The following NOSIP variants were observed in gnomAD, a reference collection of about 807,000 sequenced individuals.
The protein encoded by NOSIP is nitric oxide synthase interacting protein.
A neutral mutation model predicts 36.4 loss-of-function variants in NOSIP; 25 were observed. The observed-to-expected ratio is 0.69, with a 90% CI of 0.50 to 0.96. The LOEUF is 0.96. Ranked by LOEUF, NOSIP falls within the 40% of genes least tolerant of loss-of-function variation. The pLI is 0.00. For synonymous variants in NOSIP, 187 were observed against 179.2 expected (o/e 1.04, Z -0.35); for missense variants, 370 against 429.0 (o/e 0.86, Z 1.21).
At chr19:49,573,986 A>C (rs371482842) in intron 1 of NOSIP, among the ~76,000 whole-genome samples, 15 of 151,852 alleles carry the variant, frequency 9.9e-5, no homozygotes, top group African/African-American at 3.4e-4. Context: ...CAGCCTCCCA[A>C]GTAGCTGGGA....
intron 1 of NOSIP, among the ~76,000 whole-genome samples, chr19:49,564,453 CAAAAAAAA>C (rs1011453088): frequency 2.3e-5 from 1 of 42,558 alleles, no homozygotes; most frequent in African/African-American, 8.3e-5. Flanking sequence ...GACTCCATCT[CAAAAAAAA>C]AAAAAAAAAA....
intron 3 of NOSIP, chr19:49,559,510 C>CA (rs112494970): frequency 0.013 from 2,109 of 166,000 alleles, 5 homozygotes; most frequent in South Asian, 0.037. Context: ...GACTCTGTCT[C>CA]AAAAAAAAAA....
rs528334068 is a variant in NOSIP, at chr19:49,574,152, G to T, written c.-2+6363C>A. On this transcript the variant is annotated intron_variant, in intron 1 of 8. Coordinates refer to ENST00000596358, the MANE Select transcript of NOSIP (RefSeq NM_001270960.2). ...GCTGGGATTACAGGCATGAGCTACCGCGCCCAGTCTTGCTCATTTAATAGG... is the reference window on the plus strand; with the variant it reads ...GCTGGGATTACAGGCATGAGCTACCTCGCCCAGTCTTGCTCATTTAATAGG... 2.1e-3 allele frequency among the ~76,000 whole-genome samples: 320 copies of T among 152,088 alleles called. 2 individuals carry two copies. Among genetic ancestry groups the T allele is most frequent in the Non-Finnish European group, 3.6e-3 (244 of 68,008 alleles).
chr19:49,560,813 G>T lies in NOSIP; in HGVS notation c.-1-121C>A. 1.3e-6 allele frequency: 1 copy of T among 772,938 alleles called. No homozygotes were observed. The highest frequency in any genetic ancestry group is 2.2e-6 in the Non-Finnish European group (1 of 458,076). 47.9% of individuals were successfully genotyped at this position (772,938 alleles called of 1,614,324 possible). On this transcript the variant is annotated intron_variant, in intron 1 of 8. Coordinates refer to ENST00000596358, the MANE Select transcript of NOSIP (RefSeq NM_001270960.2). This position sits in a 1 kb window ranked among gnomAD's most constrained non-coding sequence, Gnocchi z 4.6. ...ATGGGAAAGCGGAGGCGGAGAAGGGGGGTGAGGTGGAAGAGAGGGAGGGCA... is the reference window on the plus strand; with the variant it reads ...ATGGGAAAGCGGAGGCGGAGAAGGGTGGTGAGGTGGAAGAGAGGGAGGGCA...
At chr19:49,561,770 T>C (rs2080337971) in intron 1 of NOSIP, among the ~76,000 whole-genome samples, 1 of 151,532 alleles carries the variant, frequency 6.6e-6, no homozygotes, top group Non-Finnish European at 1.5e-5. Context: ...TAATCCCAAC[T>C]ACTCGGGAGG....
At chr19:49,563,169 G>A (rs1454519728) in intron 1 of NOSIP, among the ~76,000 whole-genome samples, 5 of 150,682 alleles carry the variant, frequency 3.3e-5, no homozygotes, top group African/African-American at 7.4e-5. Context: ...ATCTAACATC[G>A]TTTTTTCTTT....
chr19:49,564,848 C>T (rs114999509), intron 1 of NOSIP, among the ~76,000 whole-genome samples: 3,154 of 152,238 alleles, frequency 0.021, 107 homozygotes, highest in African/African-American at 0.071. Context: ...GACACAACAG[C>T]CTACTGTCAT....
In NOSIP at chr19:49,568,680, C is replaced by T. The variant is rs150009238; in HGVS notation, c.-1-7988G>A. 2.8e-3 allele frequency among the ~76,000 whole-genome samples: 417 copies of T among 151,576 alleles called. 1 individual carries two copies. Among genetic ancestry groups the T allele is most frequent in the Middle Eastern group, 6.8e-3 (2 of 294 alleles). On this transcript the variant is annotated intron_variant, in intron 1 of 8. Transcript: ENST00000596358. ...GTAAAAGAGGCTGGGTGCCGTGGCTCATGCCTGTAATCCCAACACTTTGGG... is the reference window on the plus strand; with the variant it reads ...GTAAAAGAGGCTGGGTGCCGTGGCTTATGCCTGTAATCCCAACACTTTGGG...
At chr19:49,563,027 A>T (rs2080356352) in intron 1 of NOSIP, among the ~76,000 whole-genome samples, 1 of 152,228 alleles carries the variant, frequency 6.6e-6, no homozygotes, top group South Asian at 2.1e-4. Context: ...TGGAATCTAA[A>T]TACTGTAATA....
At chr19:49,558,307 G>GGTGCCAT (rs2080284217) in intron 4 of NOSIP, 1 of 148,592 alleles carries the variant, frequency 6.7e-6, no homozygotes, top group South Asian at 2.1e-4. Context: ...GAAGTGCAGC[G>GGTGCCAT]GTGCCATCTC....
Position 49,557,174 on chromosome 19 carries a change from G to A in NOSIP, c.334C>T (p.Arg112Trp), listed in dbSNP as rs769816516. Reference protein sequence around the residue: ...LQRAASQDHVRGFLEKESAIV... With the variant: ...LQRAASQDHVWGFLEKESAIV... ...GCCGACTCCTTCTCCAGGAAGCCCC[G>A]CACATGGTCCTGCGAGGCCGCCCGC... The change falls in exon 5 of 9, where the codon CGG (arginine) becomes TGG (tryptophan). Residue 112 changes from arginine (R) to tryptophan (W), a missense_variant. By Grantham distance (101) the Arg-to-Trp change is moderately radical. This residue lies in a region of NOSIP where 315 missense variants were observed against 331.9 expected (regional missense o/e 0.95). Coordinates refer to ENST00000596358, the MANE Select transcript of NOSIP (RefSeq NM_001270960.2). The A allele has an allele frequency of 1.1e-5, 18 of 1,610,636 alleles. No individual in the cohort carries two copies. Among genetic ancestry groups the A allele is most frequent in the South Asian group, 3.3e-5 (3 of 90,294 alleles).
At chr19:49,576,989 T>C (rs2080562645) in intron 1 of NOSIP, among the ~76,000 whole-genome samples, 1 of 151,292 alleles carries the variant, frequency 6.6e-6, no homozygotes, top group African/African-American at 2.4e-5. Context: ...CCTAACACAA[T>C]TTGAAAATGG....
intron 1 of NOSIP, among the ~76,000 whole-genome samples, chr19:49,565,782 A>AAAGG (rs763832392): frequency 8.3e-4 from 126 of 151,586 alleles, no homozygotes; most frequent in Middle Eastern, 6.8e-3. Flanking sequence ...AGAAAGAAAG[A>AAAGG]AAGAAATTAA....
intron 1 of NOSIP, among the ~76,000 whole-genome samples, chr19:49,564,475 A>C (rs1049710140): frequency 5.3e-5 from 8 of 151,026 alleles, no homozygotes; most frequent in Non-Finnish European, 7.4e-5. Flanking sequence ...AAAAAAAAAA[A>C]ACAAAATAAA....
intron 3 of NOSIP, chr19:49,559,206 T>C (rs2080297724): frequency 5.6e-6 from 3 of 533,270 alleles, no homozygotes; most frequent in South Asian, 4.8e-5. Context: ...CAGAATCTAG[T>C]AGAGACTAGA....
At chr19:49,571,899 C>T (rs546847506) in intron 1 of NOSIP, among the ~76,000 whole-genome samples, 2 of 146,122 alleles carry the variant, frequency 1.4e-5, no homozygotes, top group Non-Finnish European at 3.0e-5. Context: ...GCAGAAGAAT[C>T]GCTTGAACCC....
At chr19:49,565,261 A>ACC (rs1251712770) in intron 1 of NOSIP, among the ~76,000 whole-genome samples, 2 of 148,726 alleles carry the variant, frequency 1.3e-5, no homozygotes, top group African/African-American at 5.1e-5. Context: ...AGTCAGAGTG[A>ACC]GACCCTGTCT....
rs1224319623 is a variant in NOSIP at position 49,560,629 on chromosome 19, C to A, written c.63G>T (p.Lys21Asn). The A allele has an allele frequency of 6.3e-7, 1 of 1,589,224 alleles. No individual in the cohort carries two copies. The highest frequency in any genetic ancestry group is 1.3e-5 in the African/African-American group (1 of 74,592). Reference protein sequence around the residue: ...GAVYTYHEKKKDTAASGYGTQ... With the variant: ...GAVYTYHEKKNDTAASGYGTQ... ...CCCACCCCAGCCCTGCACCTGTGTC[C>A]TTCTTCTTCTCGTGGTAGGTGTAGA... Residue 21 changes from lysine to asparagine, a missense_variant, in exon 2 of 9, where the codon AAG (lysine) becomes AAT (asparagine). This residue lies in a region of NOSIP where 37 missense variants were observed against 60.2 expected (regional missense o/e 0.61). Coordinates refer to ENST00000596358, the MANE Select transcript of NOSIP (RefSeq NM_001270960.2). This position sits in a 1 kb window ranked among gnomAD's most constrained non-coding sequence, Gnocchi z 4.6.
At chr19:49,573,792 A>AT (rs999110063) in intron 1 of NOSIP, among the ~76,000 whole-genome samples, 1 of 124,632 alleles carries the variant, frequency 8.0e-6, no homozygotes, top group Non-Finnish European at 1.8e-5. Flanking sequence ...ATTTTATTTT[A>AT]TGTATGTATG....
Sources: allele counts gnomAD v4.1 joint callset (sites outside exome capture counted in the v4.1 genomes callset), GRCh38; gene constraint gnomAD v4.1.1; regional missense constraint gnomAD v4.1.1; non-coding constraint Gnocchi (gnomAD v3.1); transcripts MANE v1.5; gene names NCBI Gene and HGNC (gene_info 2026-07-23, HGNC 2026-07-21).